ARMC8: variants seen among roughly 807,000 people sequenced by gnomAD.
ARMC8 encodes the protein armadillo repeat containing 8.
Under a neutral mutation model 99.3 loss-of-function variants are expected in ARMC8, and 20 were observed. The ratio of observed to expected loss-of-function variants is 0.20; its 90% CI spans 0.14 to 0.29. The LOEUF (loss-of-function observed/expected upper bound fraction) is 0.29, where lower values mean the gene tolerates loss of function less well. Ranked by LOEUF, ARMC8 falls within the 10% of genes least tolerant of loss-of-function variation. ARMC8 has a pLI of 1.00. For missense variants in ARMC8, 569 were observed against 809.5 expected (o/e 0.70, Z 3.60); for synonymous variants, 263 against 278.3 (o/e 0.95, Z 0.55).
At chr3:138,202,378 G>A (rs1383866336) in intron 1 of ARMC8, among the ~76,000 whole-genome samples, 1 of 152,182 alleles carries the variant, frequency 6.6e-6, no homozygotes, top group African/African-American at 2.4e-5. Context: ...TGAGTATTTA[G>A]CTTAGTTTGA....
At chr3:138,248,280 C>T (rs1416478899) in intron 12 of ARMC8, among the ~76,000 whole-genome samples, 3 of 152,256 alleles carry the variant, frequency 2.0e-5, no homozygotes, top group Non-Finnish European at 2.9e-5. Context: ...AATAATTGAT[C>T]CTGACTCTGA....
chr3:138,285,581 T>C (rs1033775434), intron 19 of ARMC8, among the ~76,000 whole-genome samples: 2 of 152,230 alleles, frequency 1.3e-5, no homozygotes, highest in African/African-American at 4.8e-5. Flanking sequence ...TTATACTTTC[T>C]TACTGGACTC....
At chr3:138,255,415 G>A (rs537390760) in intron 12 of ARMC8, among the ~76,000 whole-genome samples, 1 of 152,054 alleles carries the variant, frequency 6.6e-6, no homozygotes, top group South Asian at 2.1e-4. Flanking sequence ...TGTTAGTCAG[G>A]ACAGTCTCGA....
At chr3:138,230,914 A>G (rs183006710) in intron 6 of ARMC8, among the ~76,000 whole-genome samples, 215 of 152,332 alleles carry the variant, frequency 1.4e-3, no homozygotes, top group Admixed American at 3.1e-3. Flanking sequence ...AGCTGAAATT[A>G]TAGAGTACCA....
At chr3:138,194,538 C>T (rs949909861) in intron 1 of ARMC8, among the ~76,000 whole-genome samples, 2 of 151,568 alleles carry the variant, frequency 1.3e-5, no homozygotes, top group African/African-American at 4.9e-5. Context: ...AGGGGTTTCA[C>T]TGTGTTAGCC....
At chr3:138,215,654 T>G (rs1207001495) in intron 2 of ARMC8, among the ~76,000 whole-genome samples, 4 of 152,194 alleles carry the variant, frequency 2.6e-5, no homozygotes, top group African/African-American at 9.6e-5. Flanking sequence ...TTTTGGTAGA[T>G]TTTACTCTTC....
intron 16 of ARMC8, among the ~76,000 whole-genome samples, chr3:138,271,498 A>G (rs1027589907): frequency 2.6e-5 from 4 of 152,216 alleles, no homozygotes; most frequent in African/African-American, 9.6e-5. Flanking sequence ...ATTCTCTGAC[A>G]TGCACAACTT....
chr3:138,249,838 A>T (rs2108209068), intron 12 of ARMC8, among the ~76,000 whole-genome samples: 2 of 152,328 alleles, frequency 1.3e-5, no homozygotes, highest in Middle Eastern at 6.8e-3. Flanking sequence ...AAAAGTAAGG[A>T]ATGACCAGTA....
At chr3:138,261,423 G>C (rs1243597340) in intron 12 of ARMC8, 3 of 152,116 alleles carry the variant, frequency 2.0e-5, no homozygotes, top group Admixed American at 6.5e-5. Context: ...GACAAATTCA[G>C]TATGAGGCGT....
rs553099766 is a variant in ARMC8 at position 138,295,450 on chromosome 3, G to A, written c.1989-409G>A. Among the ~76,000 whole-genome samples, 4 of 152,272 alleles carry A rather than the reference G, an allele frequency of 2.6e-5. No homozygotes were observed. In the East Asian group the frequency reaches 7.7e-4, roughly 29 times the overall value. ...GGTCAGTTTTCTTATTTGCTTCCCA[G>A]AACCCTAAGTGTTCTCCCTAGTGTT... On this transcript the variant is annotated intron_variant, in intron 21 of 21. Coordinates refer to ENST00000469044, the MANE Select transcript of ARMC8 (RefSeq NM_001363941.2).
In ARMC8 at chr3:138,187,491, G is replaced by A. The variant is rs2107921983; in HGVS notation, c.-64G>A. ...GAGCGGTGCCTAGCGTTGGCCAATA[G>A]TTGGCTGTCGAAAGTGCCGGCCCCC... On this transcript the variant is annotated 5_prime_UTR_variant, in exon 1 of 22. Transcript: ENST00000469044. 2.6e-6 allele frequency: 4 copies of A among 1,513,750 alleles called. No individual in the cohort carries two copies. Among genetic ancestry groups the A allele is most frequent in the Non-Finnish European group, 3.5e-6 (4 of 1,126,950 alleles). 93.8% of individuals were successfully genotyped at this position (1,513,750 alleles called of 1,614,324 possible).
chr3:138,187,762 G>C (rs1043909105), intron 1 of ARMC8, 163 bp downstream of exon 1: 1 of 736,874 alleles, frequency 1.4e-6, no homozygotes, highest in East Asian at 2.9e-5. Flanking sequence ...CGGGATAGAC[G>C]GGCAGAGGGG....
chr3:138,296,180 C>T lies in ARMC8; in HGVS notation c.*288C>T. 3.0e-6 allele frequency: 1 copy of T among 333,026 alleles called. No homozygotes were observed. The highest frequency in any genetic ancestry group is 5.5e-6 in the Non-Finnish European group (1 of 180,750). 20.6% of individuals were successfully genotyped at this position (333,026 alleles called of 1,614,324 possible). ...TTTCCTTTGGACCTACAATTTTTGC[C>T]TATGCTGCAGCCACTTTGTGAGTGA... On this transcript the variant is annotated 3_prime_UTR_variant, in exon 22 of 22. Transcript: ENST00000469044.
chr3:138,247,135 ACTTTT>A (rs1160155169), intron 12 of ARMC8, among the ~76,000 whole-genome samples: 13 of 152,242 alleles, frequency 8.5e-5, no homozygotes, highest in South Asian at 8.3e-4. Flanking sequence ...AAATAGTAGC[ACTTTT>A]CTTTTGAGTG....
chr3:138,213,752 C>G (rs1426259292), intron 2 of ARMC8, among the ~76,000 whole-genome samples: 4 of 152,152 alleles, frequency 2.6e-5, no homozygotes, highest in Non-Finnish European at 5.9e-5. Context: ...AAGAACTCTT[C>G]ATATGATTTT....
chr3:138,282,443 C>T (rs1475395724), intron 18 of ARMC8, among the ~76,000 whole-genome samples: 1 of 151,874 alleles, frequency 6.6e-6, no homozygotes, highest in Non-Finnish European at 1.5e-5. Context: ...GTCAGGAGTT[C>T]GAGACCAGCC....
chr3:138,245,280 G>A (rs1422692315), intron 12 of ARMC8, 97 bp downstream of exon 12: 2 of 1,612,266 alleles, frequency 1.2e-6, no homozygotes, highest in Non-Finnish European at 1.7e-6. Flanking sequence ...AACAGTGACT[G>A]TTTGAATATA....
chr3:138,271,533 C>A (rs907083141), intron 16 of ARMC8, among the ~76,000 whole-genome samples: 2 of 152,182 alleles, frequency 1.3e-5, no homozygotes, highest in Non-Finnish European at 2.9e-5. Flanking sequence ...GAACTCATTT[C>A]ACTCCTCAAA....
At chr3:138,246,708 G>A (rs1013534991) in intron 12 of ARMC8, 1 of 981,940 alleles carries the variant, frequency 1.0e-6, no homozygotes, top group African/African-American at 1.8e-5. Context: ...TTAATAAACT[G>A]TTTTGGAATT....
Sources: gnomAD v4.1 joint callset for allele counts (sites outside exome capture counted in the v4.1 genomes callset) on GRCh38, gnomAD v4.1.1 for gene constraint, MANE v1.5 for transcripts, NCBI Gene and HGNC (gene_info 2026-07-23, HGNC 2026-07-21) for gene names.